ZFPM2: variants seen among roughly 807,000 people sequenced by gnomAD.
ZFPM2 encodes the protein zinc finger protein, FOG family member 2.
Under a neutral mutation model 98.6 loss-of-function variants are expected in ZFPM2, and 20 were observed. The observed-to-expected ratio is 0.20, with a 90% CI of 0.14 to 0.29. ZFPM2 has a LOEUF of 0.29. Ranked by LOEUF, ZFPM2 falls within the 10% of genes least tolerant of loss-of-function variation. ZFPM2 has a pLI of 1.00. For missense variants in ZFPM2, 1,310 were observed against 1,388.6 expected, an observed-to-expected ratio of 0.94 and a Z score of 0.90; for synonymous variants, 518 against 502.7, an observed-to-expected ratio of 1.03 and a Z score of -0.41.
Position 105,730,092 on chromosome 8 carries a change from C to T in ZFPM2, c.533-58626C>T, listed in dbSNP as rs1811896299. Among the ~76,000 whole-genome samples, 3 of 150,978 alleles carry T rather than the reference C, an allele frequency of 2.0e-5. No homozygotes were observed. The Admixed American group carries it at 2.0e-4, about 10-fold the overall frequency. On this transcript the variant is annotated intron_variant, in intron 5 of 7. Transcript: ENST00000407775. ...CAGTATCCCAGGTATTGTCCTAGAC[C>T]CTGAGAATAGAGAAGTGTCAAGAAT...
intron 3 of ZFPM2, among the ~76,000 whole-genome samples, chr8:105,520,216 C>T (rs561422567): frequency 6.9e-6 from 1 of 144,038 alleles, no homozygotes; most frequent in African/African-American, 2.8e-5. Context: ...ACAGAAAGGC[C>T]AGTTCCTATC....
chr8:105,573,021 G>A (rs368779325), intron 4 of ZFPM2, among the ~76,000 whole-genome samples: 46 of 152,156 alleles, frequency 3.0e-4, no homozygotes, highest in South Asian at 1.7e-3. Context: ...ACAACTTGTC[G>A]CAGGCATAAT....
intron 4 of ZFPM2, among the ~76,000 whole-genome samples, chr8:105,622,900 A>G (rs1586157194): frequency 6.6e-6 from 1 of 152,298 alleles, no homozygotes; most frequent in African/African-American, 2.4e-5. Flanking sequence ...TTTAAAACCA[A>G]ATATACAGTT....
At chr8:105,692,597 G>T (rs1262963073) in intron 5 of ZFPM2, among the ~76,000 whole-genome samples, 1 of 152,208 alleles carries the variant, frequency 6.6e-6, no homozygotes, top group Non-Finnish European at 1.5e-5. Flanking sequence ...TATGGATGAA[G>T]AAAAGATTAC....
chr8:105,393,183 A>G (rs1811141390), intron 1 of ZFPM2, among the ~76,000 whole-genome samples: 1 of 152,170 alleles, frequency 6.6e-6, no homozygotes, highest in Non-Finnish European at 1.5e-5. Context: ...TTTTAAAGAA[A>G]TATTTTTATT....
intron 1 of ZFPM2, among the ~76,000 whole-genome samples, chr8:105,357,607 A>T (rs1180287635): frequency 6.6e-6 from 1 of 152,016 alleles, no homozygotes; most frequent in African/African-American, 2.4e-5. Flanking sequence ...TTTTTTTTTC[A>T]AAGTCAGTTG....
At chr8:105,425,776 G>A (rs1236525114) in intron 2 of ZFPM2, among the ~76,000 whole-genome samples, 1 of 152,108 alleles carries the variant, frequency 6.6e-6, no homozygotes, top group Non-Finnish European at 1.5e-5. Context: ...ATCCCTCCCT[G>A]CCCCTGGTCC....
intron 5 of ZFPM2, among the ~76,000 whole-genome samples, chr8:105,756,913 G>A (rs916599986): frequency 4.1e-4 from 63 of 152,148 alleles, no homozygotes; most frequent in African/African-American, 1.4e-3. Context: ...CTGGGGCAGC[G>A]CGGGCCTGCC....
chr8:105,576,209 A>G (rs1815463930), intron 4 of ZFPM2, among the ~76,000 whole-genome samples: 2 of 152,216 alleles, frequency 1.3e-5, no homozygotes, highest in Non-Finnish European at 2.9e-5. Context: ...ATGGTCAAGA[A>G]AAGTGGGCAT....
At chr8:105,768,419 A>G (rs997136043) in intron 5 of ZFPM2, among the ~76,000 whole-genome samples, 1 of 151,938 alleles carries the variant, frequency 6.6e-6, no homozygotes, top group Non-Finnish European at 1.5e-5. Flanking sequence ...CCTCATTATA[A>G]TATCTCAGGA....
intron 1 of ZFPM2, among the ~76,000 whole-genome samples, chr8:105,346,647 T>C (rs1374923763): frequency 6.6e-6 from 1 of 152,228 alleles, no homozygotes; most frequent in East Asian, 1.9e-4. Flanking sequence ...TATAAGCATT[T>C]AACTTAATTT....
chr8:105,580,157 G>A (rs1815556826), intron 4 of ZFPM2, among the ~76,000 whole-genome samples: 1 of 152,162 alleles, frequency 6.6e-6, no homozygotes, highest in Non-Finnish European at 1.5e-5. Context: ...TGGTCGAATT[G>A]AAAGAAGGAC....
At chr8:105,397,960 A>C (rs1586343629) in intron 1 of ZFPM2, among the ~76,000 whole-genome samples, 1 of 152,136 alleles carries the variant, frequency 6.6e-6, no homozygotes, top group East Asian at 1.9e-4. Context: ...GCTACATCAG[A>C]TCCTCATGGG....
intron 5 of ZFPM2, among the ~76,000 whole-genome samples, chr8:105,732,479 T>C (rs1022663922): frequency 1.3e-5 from 2 of 151,812 alleles, no homozygotes; most frequent in Non-Finnish European, 2.9e-5. Flanking sequence ...GTGTGTGAGC[T>C]GATAACATTC....
At position 105,730,289 on chromosome 8, in the gene ZFPM2, T is replaced by G. The variant is rs925918998; in HGVS notation, c.533-58429T>G. ...GCATGAAAGTAAGACAGTTTTGATATTGAAAGCCCAGCCAATCAAAGACAG... is the reference window on the plus strand; with the variant it reads ...GCATGAAAGTAAGACAGTTTTGATAGTGAAAGCCCAGCCAATCAAAGACAG... On this transcript the variant is annotated intron_variant, in intron 5 of 7. Coordinates refer to ENST00000407775, the MANE Select transcript of ZFPM2 (RefSeq NM_012082.4). Among the ~76,000 whole-genome samples the G allele has an allele frequency of 7.2e-5, 11 of 151,854 alleles. No homozygotes were observed. In the Middle Eastern group the frequency reaches 0.01, roughly 141 times the overall value.
rs750690965 is a variant in ZFPM2, at chr8:105,798,857, C to A, written c.873C>A (p.Ala291=). The A allele has an allele frequency of 1.2e-5, 20 of 1,613,790 alleles. No homozygotes were observed. The highest frequency in any genetic ancestry group is 1.5e-5 in the Non-Finnish European group (18 of 1,179,872). Residue 291 remains alanine (A), a synonymous_variant, in exon 7 of 8, where the codon GCC becomes GCA. Coordinates refer to ENST00000407775, the MANE Select transcript of ZFPM2 (RefSeq NM_012082.4). The part of the protein sequence containing the change: ...APVSEENEDS[A]HQISSLCPFP... ...TGTCAGAGGAAAATGAAGACAGTGC[C>A]CATCAGATTTCCAGCCTGTGCCCCT...
intron 3 of ZFPM2, among the ~76,000 whole-genome samples, chr8:105,497,514 T>C (rs1481180493): frequency 2.6e-5 from 4 of 152,212 alleles, no homozygotes; most frequent in Non-Finnish European, 4.4e-5. Flanking sequence ...TATAATTTAT[T>C]GATTTAGACA....
intron 1 of ZFPM2, among the ~76,000 whole-genome samples, chr8:105,380,237 T>A (rs550305299): frequency 1.3e-5 from 2 of 152,082 alleles, no homozygotes; most frequent in Non-Finnish European, 2.9e-5. Flanking sequence ...CACACAGTAA[T>A]GCCAAAAATA....
At chr8:105,680,290 T>C (rs918835568) in intron 5 of ZFPM2, among the ~76,000 whole-genome samples, 6 of 152,132 alleles carry the variant, frequency 3.9e-5, no homozygotes, top group Non-Finnish European at 8.8e-5. Context: ...GGATTGAAAA[T>C]GCCTACTACT....
Sources: allele counts gnomAD v4.1 joint callset (sites outside exome capture counted in the v4.1 genomes callset), GRCh38; gene constraint gnomAD v4.1.1; transcripts MANE v1.5; gene names NCBI Gene and HGNC (gene_info 2026-07-23, HGNC 2026-07-21).